The following SPMAP2L variants were observed in gnomAD, a reference collection of about 807,000 sequenced individuals.
SPMAP2L encodes sperm microtubule associated protein 2-like.
At chr4:56,569,368 G>A in the SPMAP2L span, among the ~76,000 whole-genome samples, 83 of 152,262 alleles carry the variant, frequency 5.5e-4, no homozygotes, top group Non-Finnish European at 1.1e-3. Flanking sequence ...AGTACTCATT[G>A]TGGTTTTGAT....
the SPMAP2L span, among the ~76,000 whole-genome samples, chr4:56,550,885 C>T: frequency 6.6e-6 from 1 of 151,294 alleles, no homozygotes; most frequent in Non-Finnish European, 1.5e-5. Context: ...GGTAGTAGTT[C>T]GAGGCTGCAG....
the SPMAP2L span, among the ~76,000 whole-genome samples, chr4:56,550,253 G>A: frequency 6.6e-6 from 1 of 152,094 alleles, no homozygotes; most frequent in African/African-American, 2.4e-5. Flanking sequence ...CTCCTGAAGT[G>A]CTGGCATTAT....
chr4:56,601,044 A>G, the SPMAP2L span: 2 of 1,535,400 alleles, frequency 1.3e-6, no homozygotes, highest in Non-Finnish European at 8.7e-7. Flanking sequence ...ATTGGCCAGT[A>G]TCTTATGCTA....
chr4:56,549,693 A>G, the SPMAP2L span, among the ~76,000 whole-genome samples: 5 of 152,208 alleles, frequency 3.3e-5, no homozygotes, highest in Admixed American at 6.5e-5. Context: ...GAGCATGGGC[A>G]TAACACCACA....
At chr4:56,605,343 A>G in the SPMAP2L span, among the ~76,000 whole-genome samples, 1 of 151,996 alleles carries the variant, frequency 6.6e-6, no homozygotes, top group Non-Finnish European at 1.5e-5. Context: ...GCTCTCACGG[A>G]CTCTTTAGCT....
chr4:56,575,242 C>T, the SPMAP2L span, among the ~76,000 whole-genome samples: 1 of 130,294 alleles, frequency 7.7e-6, no homozygotes, highest in Admixed American at 8.3e-5. Flanking sequence ...GAGCGAGACT[C>T]CATCTCAAAA....
chr4:56,596,515 T>C, the SPMAP2L span: 4 of 1,523,976 alleles, frequency 2.6e-6, no homozygotes, highest in Non-Finnish European at 3.5e-6. Context: ...AACCAAGATT[T>C]CACTTTCTAC....
the SPMAP2L span, among the ~76,000 whole-genome samples, chr4:56,581,233 T>A: frequency 1.3e-5 from 2 of 152,046 alleles, no homozygotes; most frequent in Admixed American, 6.5e-5. Flanking sequence ...GGCAGGCAGA[T>A]CACCTGAAGT....
the SPMAP2L span, among the ~76,000 whole-genome samples, chr4:56,538,373 T>C: frequency 3.3e-5 from 5 of 152,202 alleles, no homozygotes; most frequent in African/African-American, 1.2e-4. Flanking sequence ...TAATTTCTAT[T>C]ACTGGGTCTC....
chr4:56,595,158 A>T, the SPMAP2L span: 4 of 1,611,632 alleles, frequency 2.5e-6, no homozygotes, highest in Non-Finnish European at 3.4e-6. Flanking sequence ...AAACTGCGAT[A>T]TTAAATGCCA....
At chr4:56,572,972 C>A in the SPMAP2L span, among the ~76,000 whole-genome samples, 5 of 150,386 alleles carry the variant, frequency 3.3e-5, no homozygotes, top group Non-Finnish European at 7.4e-5. Flanking sequence ...GCTGAGATCG[C>A]ACCACTGCAC....
chr4:56,543,232 C>T, the SPMAP2L span, among the ~76,000 whole-genome samples: 1,378 of 151,964 alleles, frequency 9.1e-3, 74 homozygotes, highest in Admixed American at 0.083. Flanking sequence ...TACAGGCGCC[C>T]GCCACCACAC....
At chr4:56,593,256 G>A in the SPMAP2L span, 5 of 1,254,296 alleles carry the variant, frequency 4.0e-6, no homozygotes, top group Non-Finnish European at 4.7e-6. Context: ...CTGGATGAGG[G>A]ACTGCGGCTG....
At chr4:56,573,534 CCTT>C in the SPMAP2L span, among the ~76,000 whole-genome samples, 2 of 152,172 alleles carry the variant, frequency 1.3e-5, no homozygotes, top group Admixed American at 1.3e-4. Flanking sequence ...TGCGTAATCA[CCTT>C]CTTCCCAACC....
At chr4:56,605,396 T>C in the SPMAP2L span, among the ~76,000 whole-genome samples, 14 of 152,196 alleles carry the variant, frequency 9.2e-5, no homozygotes, top group Non-Finnish European at 1.9e-4. Flanking sequence ...CCAATAAATG[T>C]AAAATTACAA....
the SPMAP2L span, chr4:56,575,536 T>C: frequency 6.5e-7 from 1 of 1,535,262 alleles, no homozygotes. Context: ...TGGAAGAGAG[T>C]CTGTAATTTG....
At chr4:56,531,023 G>GT in the SPMAP2L span, 1 of 1,535,318 alleles carries the variant, frequency 6.5e-7, no homozygotes. Context: ...CTCAAGGCCC[G>GT]TGAACCCCGC....
chr4:56,567,955 G>A, the SPMAP2L span, among the ~76,000 whole-genome samples: 400 of 151,796 alleles, frequency 2.6e-3, 1 homozygote, highest in African/African-American at 9.0e-3. Context: ...CCTTCTTTGC[G>A]GGCTCTAGTT....
At chr4:56,614,385 T>C in the SPMAP2L span, among the ~76,000 whole-genome samples, 1 of 152,140 alleles carries the variant, frequency 6.6e-6, no homozygotes, top group Non-Finnish European at 1.5e-5. Flanking sequence ...CCGGGTGTGG[T>C]GGCTCACATC....
Sources: allele counts gnomAD v4.1 joint callset (sites outside exome capture counted in the v4.1 genomes callset), GRCh38; gene constraint gnomAD v4.1.1; transcripts MANE v1.5; gene names NCBI Gene and HGNC (gene_info 2026-07-23, HGNC 2026-07-21).